Variants in PTPRZ1 observed in about 807,000 individuals in gnomAD.
PTPRZ1 encodes the protein protein tyrosine phosphatase receptor type Z1.
In PTPRZ1, 82 loss-of-function variants were observed where a neutral mutation model predicts 214.1. That is an observed-to-expected ratio of 0.38 (90% confidence interval 0.32 to 0.46). The LOEUF is 0.46. PTPRZ1 is among the 20% of genes least tolerant of loss of function. PTPRZ1 has a pLI of 1.00. For synonymous variants in PTPRZ1, 945 were observed against 987.9 expected (o/e 0.96, Z 0.81); for missense variants, 2,603 against 2,748.7 (o/e 0.95, Z 1.19).
At chr7:121,947,140 T>A (rs1002817737) in intron 2 of PTPRZ1, among the ~76,000 whole-genome samples, 3 of 152,138 alleles carry the variant, frequency 2.0e-5, no homozygotes, top group Non-Finnish European at 4.4e-5. Flanking sequence ...ATTCTTGTCC[T>A]TAAGAAGCTC....
chr7:121,954,360 A>G (rs950982764), intron 2 of PTPRZ1, among the ~76,000 whole-genome samples: 1 of 152,200 alleles, frequency 6.6e-6, no homozygotes, highest in Non-Finnish European at 1.5e-5. Flanking sequence ...ACTGCCTTGC[A>G]TTCCATGTCT....
At position 121,984,136 on chromosome 7, in the gene PTPRZ1, T is replaced by A. The variant is rs1028803196; in HGVS notation, c.928+19T>A. On this transcript the variant is annotated intron_variant, in intron 8 of 29. Transcript: ENST00000393386. ...GAAGCAGGTATGTATTTAAATATAA[T>A]CTTCTACAACTCTCATAGATGCAGT... 1.2e-6 allele frequency: 2 copies of A among 1,602,794 alleles called. No individual in the cohort carries two copies. Among genetic ancestry groups the A allele is most frequent in the Non-Finnish European group, 1.7e-6 (2 of 1,172,908 alleles).
chr7:121,971,391 T>C (rs1797243407), intron 3 of PTPRZ1, among the ~76,000 whole-genome samples: 1 of 152,202 alleles, frequency 6.6e-6, no homozygotes, highest in Non-Finnish European at 1.5e-5. Flanking sequence ...ACCAAATCAT[T>C]CAATGACAGA....
intron 2 of PTPRZ1, among the ~76,000 whole-genome samples, chr7:121,943,607 G>T (rs1584666154): frequency 6.6e-6 from 1 of 152,124 alleles, no homozygotes; most frequent in East Asian, 1.9e-4. Flanking sequence ...CAACGTGCTG[G>T]GATTACAGGC....
intron 2 of PTPRZ1, among the ~76,000 whole-genome samples, chr7:121,928,629 G>A (rs149834745): frequency 6.6e-6 from 1 of 152,240 alleles, no homozygotes; most frequent in Non-Finnish European, 1.5e-5. Flanking sequence ...TGCTGGAGTT[G>A]TTATGATCAT....
At chr7:122,043,036 T>C (rs1799779933) in intron 22 of PTPRZ1, among the ~76,000 whole-genome samples, 1 of 152,338 alleles carries the variant, frequency 6.6e-6, no homozygotes, top group African/African-American at 2.4e-5. Flanking sequence ...TGTGTCTGTG[T>C]CTGTATCCAA....
intron 18 of PTPRZ1, among the ~76,000 whole-genome samples, chr7:122,038,106 C>T (rs962801245): frequency 6.6e-6 from 1 of 152,112 alleles, no homozygotes; most frequent in Non-Finnish European, 1.5e-5. Flanking sequence ...CTCACTCTCA[C>T]GAGAACAGCG....
At chr7:121,976,920 A>T in intron 6 of PTPRZ1, 69 bp downstream of exon 6, 9 of 1,345,696 alleles carry the variant, frequency 6.7e-6, no homozygotes, top group Non-Finnish European at 9.4e-6. Context: ...TGACAATACG[A>T]CAAAAGTCAC....
At chr7:121,993,358 TGGCTAACACGGTGACCATCCC>T (rs1328590083) in intron 8 of PTPRZ1, among the ~76,000 whole-genome samples, 3 of 151,292 alleles carry the variant, frequency 2.0e-5, no homozygotes, top group African/African-American at 7.3e-5. Flanking sequence ...GAGACCATCC[TGGCTAACACGGTGACCATCCC>T]GGCTAACACA....
chr7:122,058,033 C>T (rs1792424297), intron 27 of PTPRZ1, among the ~76,000 whole-genome samples: 1 of 148,992 alleles, frequency 6.7e-6, no homozygotes, highest in South Asian at 2.1e-4. Context: ...TATTTTATTC[C>T]ATTGGTCACT....
chr7:121,962,471 AATAATAATAATG>A (rs1554437791), intron 2 of PTPRZ1, among the ~76,000 whole-genome samples: 1 of 116,518 alleles, frequency 8.6e-6, no homozygotes, highest in Non-Finnish European at 2.0e-5. Context: ...TAATAATAAT[AATAATAATAATG>A]TTTTAGAATA....
intron 14 of PTPRZ1, among the ~76,000 whole-genome samples, chr7:122,029,792 A>G (rs1267125765): frequency 3.3e-5 from 5 of 151,570 alleles, no homozygotes; most frequent in African/African-American, 1.2e-4. Context: ...TAACTATGAT[A>G]TTTTCTTTTT....
intron 11 of PTPRZ1, among the ~76,000 whole-genome samples, chr7:122,006,397 C>T (rs916997317): frequency 6.6e-5 from 10 of 152,030 alleles, no homozygotes; most frequent in East Asian, 1.9e-4. Flanking sequence ...GTCGCCCCCT[C>T]GCCACTACAT....
At chr7:121,921,469 T>G (rs993214877) in intron 1 of PTPRZ1, among the ~76,000 whole-genome samples, 1 of 152,162 alleles carries the variant, frequency 6.6e-6, no homozygotes, top group Non-Finnish European at 1.5e-5. Flanking sequence ...ATTATCCTTA[T>G]GTTCAAACTT....
intron 10 of PTPRZ1, among the ~76,000 whole-genome samples, chr7:121,999,143 C>T (rs1798247262): frequency 6.6e-6 from 1 of 152,144 alleles, no homozygotes; most frequent in Admixed American, 6.5e-5. Flanking sequence ...AGGTATCTCC[C>T]AACTTGATAT....
At position 122,044,620 on chromosome 7, in the gene PTPRZ1, G is replaced by T. The variant is rs1211960558; in HGVS notation, c.6084+52G>T. Reference sequence around the variant, plus strand: ...TGTCACTACAGAACTGAATGTCCCTGCATCTTCTCATTTGAGTTGACAGGG... The same window carrying T: ...TGTCACTACAGAACTGAATGTCCCTTCATCTTCTCATTTGAGTTGACAGGG... On this transcript the variant is annotated intron_variant, in intron 23 of 29. Transcript: ENST00000393386. The T allele has an allele frequency of 1.0e-5, 16 of 1,572,852 alleles. No homozygotes were observed. The Middle Eastern group carries it at 5.1e-4, about 50-fold the overall frequency.
At chr7:121,906,321 G>A (rs1002486285) in intron 1 of PTPRZ1, among the ~76,000 whole-genome samples, 1 of 152,124 alleles carries the variant, frequency 6.6e-6, no homozygotes, top group African/African-American at 2.4e-5. Flanking sequence ...AAGGAGGCAT[G>A]TGGGTGTGTA....
intron 1 of PTPRZ1, chr7:121,908,358 C>T: frequency 1.1e-4 from 24 of 208,974 alleles, no homozygotes; most frequent in South Asian, 1.7e-4. Context: ...TAGATCAATC[C>T]CTTTGGAAAA....
rs1399013436 is a variant in PTPRZ1 at position 121,880,059 on chromosome 7, G to A, written c.58+6502G>A. ...TTTACTGTGTTAATATCATTTGGGGGTCTTTGTAGTTAACAAAATTTTTAA... is the reference window on the plus strand; with the variant it reads ...TTTACTGTGTTAATATCATTTGGGGATCTTTGTAGTTAACAAAATTTTTAA... On this transcript the variant is annotated intron_variant, in intron 1 of 29. Transcript: ENST00000393386. Among the ~76,000 whole-genome samples the A allele has an allele frequency of 2.0e-5, 3 of 152,100 alleles. No homozygotes were observed. In the East Asian group the frequency reaches 5.8e-4, roughly 29 times the overall value.
Sources: gnomAD v4.1 joint callset for allele counts (sites outside exome capture counted in the v4.1 genomes callset) on GRCh38, gnomAD v4.1.1 for gene constraint, MANE v1.5 for transcripts, NCBI Gene and HGNC (gene_info 2026-07-23, HGNC 2026-07-21) for gene names.